Variants in PKHD1 observed in about 807,000 individuals in gnomAD.
The protein encoded by PKHD1 is PKHD1 ciliary IPT domain containing fibrocystin/polyductin, also known as fibrocystin.
Under a neutral mutation model 412.0 loss-of-function variants are expected in PKHD1, and 291 were observed. The observed-to-expected ratio is 0.71, with a 90% CI of 0.64 to 0.78. The LOEUF (loss-of-function observed/expected upper bound fraction) is 0.78, where lower values mean the gene tolerates loss of function less well. Among genes scored for constraint, PKHD1 ranks in the 30% least tolerant of loss-of-function variants. PKHD1 has a pLI of 0.00. For synonymous variants in PKHD1, 1,777 were observed against 1,821.5 expected (o/e 0.98, Z 0.62); for missense variants, 4,825 against 4,950.7 (o/e 0.97, Z 0.76).
intron 35 of PKHD1, among the ~76,000 whole-genome samples, chr6:51,997,033 A>G (rs1474175311): frequency 2.0e-5 from 3 of 152,230 alleles, no homozygotes; most frequent in Admixed American, 6.5e-5. Flanking sequence ...ATTTTGCCCA[A>G]TTAACTCAAG....
At chr6:51,934,654 GAA>G (rs11324724) in intron 36 of PKHD1, among the ~76,000 whole-genome samples, 12 of 149,908 alleles carry the variant, frequency 8.0e-5, no homozygotes, top group Admixed American at 2.7e-4. Flanking sequence ...ATAAAATTAA[GAA>G]AAAAAAAAAC....
intron 57 of PKHD1, among the ~76,000 whole-genome samples, chr6:51,750,168 T>C (rs1785852299): frequency 6.6e-6 from 1 of 152,258 alleles, no homozygotes; most frequent in Non-Finnish European, 1.5e-5. Flanking sequence ...ATACGTCTAC[T>C]TGGGGCCAGG....
rs1311992653 is a variant in PKHD1, at chr6:51,659,917, G to A, written c.10209C>T (p.Phe3403=). ...CCACTTGGTCAGTCTGTTTGCAGAT[G>A]AATCCTTGCATCAGAAATTGGTATG... ...KCTYQFLMQG[F]ICKQTDQVVL... is the part of the protein sequence containing the mutation. Residue 3403 remains phenylalanine, a synonymous_variant, in exon 61 of 67, where the codon TTC becomes TTT. Transcript: ENST00000371117. 2 of 1,612,280 alleles carry A rather than the reference G, an allele frequency of 1.2e-6. No homozygotes were observed. Among genetic ancestry groups the A allele is most frequent in the Non-Finnish European group, 8.5e-7 (1 of 1,178,582 alleles).
In PKHD1 at chr6:52,066,778, T is replaced by C. The variant is rs1045098456; in HGVS notation, c.779-701A>G. Among the ~76,000 whole-genome samples the C allele has an allele frequency of 2.6e-5, 4 of 152,114 alleles. No homozygotes were observed. In the South Asian group the frequency reaches 8.3e-4, roughly 32 times the overall value. On this transcript the variant is annotated intron_variant, in intron 11 of 66. Coordinates refer to ENST00000371117, the MANE Select transcript of PKHD1 (RefSeq NM_138694.4). ...AGCCGGGTTCCGTGGTGTGCACCTG[T>C]AATCCCAGCTGCTTGGGAGGCTGAG...
At chr6:51,638,806 A>C (rs773755286) in intron 64 of PKHD1, 43 bp downstream of exon 64, 3 of 1,262,628 alleles carry the variant, frequency 2.4e-6, no homozygotes, top group Non-Finnish European at 3.4e-6. Flanking sequence ...TCTCAAAAAA[A>C]AAAAAAAAAA....
At chr6:51,853,522 A>G (rs1452554630) in intron 49 of PKHD1, among the ~76,000 whole-genome samples, 1 of 152,176 alleles carries the variant, frequency 6.6e-6, no homozygotes, top group African/African-American at 2.4e-5. Context: ...TGTGTTTTCC[A>G]GCTTTTTTCC....
At chr6:51,630,835 T>C (rs561057814) in intron 65 of PKHD1, among the ~76,000 whole-genome samples, 1 of 152,208 alleles carries the variant, frequency 6.6e-6, no homozygotes, top group Non-Finnish European at 1.5e-5. Flanking sequence ...TTTCATAAAG[T>C]TCCTTGCAAT....
At chr6:51,869,355 C>T (rs1228682729) in intron 47 of PKHD1, among the ~76,000 whole-genome samples, 1 of 152,126 alleles carries the variant, frequency 6.6e-6, no homozygotes, top group Admixed American at 6.6e-5. Flanking sequence ...TCTTGCCTGA[C>T]CCCCTTCCTC....
At chr6:52,063,096 C>T (rs889228307) in intron 13 of PKHD1, among the ~76,000 whole-genome samples, 3 of 152,138 alleles carry the variant, frequency 2.0e-5, no homozygotes, top group Non-Finnish European at 4.4e-5. Flanking sequence ...CTTTTTTCCC[C>T]ATAACATTGG....
chr6:51,938,826 C>T (rs534408452), intron 36 of PKHD1, among the ~76,000 whole-genome samples: 7 of 151,720 alleles, frequency 4.6e-5, no homozygotes, highest in South Asian at 4.1e-4. Flanking sequence ...ATTTTAAATC[C>T]GGTAAGCAGC....
intron 6 of PKHD1, among the ~76,000 whole-genome samples, 163 bp downstream of exon 6, chr6:52,076,113 A>C (rs551330573): frequency 3.9e-5 from 6 of 152,310 alleles, no homozygotes; most frequent in African/African-American, 1.4e-4. Context: ...CAGAGGTAAA[A>C]CCAAAGCACG....
rs556309885 is a variant in PKHD1 at position 51,942,496 on chromosome 6, C to T, written c.5909-8174G>A. Among the ~76,000 whole-genome samples the T allele has an allele frequency of 9.5e-4, 144 of 151,726 alleles. 4 individuals carry two copies. Among genetic ancestry groups the T allele is most frequent in the Non-Finnish European group, 1.7e-3 (117 of 67,760 alleles). On this transcript the variant is annotated intron_variant, in intron 36 of 66. Transcript: ENST00000371117. The stretch of plus-strand genomic sequence containing the variant: ...GACACATATACTTTCTGCTCCCTGG[C>T]TCCTTCAGCTGTACTCACTTTTTGT...
intron 55 of PKHD1, among the ~76,000 whole-genome samples, chr6:51,771,610 CTG>C (rs1323854590): frequency 6.7e-6 from 1 of 148,378 alleles, no homozygotes; most frequent in Non-Finnish European, 1.5e-5. Flanking sequence ...TAGAGTGAGA[CTG>C]TGTCAAAAAA....
At chr6:51,906,078 T>G in intron 41 of PKHD1, 137 bp downstream of exon 41, 1 of 735,330 alleles carries the variant, frequency 1.4e-6, no homozygotes, top group Non-Finnish European at 2.4e-6. Flanking sequence ...ATTTAGAATG[T>G]TTTACTGTAG....
chr6:52,001,432 C>CT (rs781084036), intron 35 of PKHD1, among the ~76,000 whole-genome samples: 3,037 of 140,218 alleles, frequency 0.022, 52 homozygotes, highest in African/African-American at 0.041. Context: ...GAATTTCTTC[C>CT]TTTTTTTTTT....
chr6:51,692,564 T>C (rs1778303484), intron 60 of PKHD1, among the ~76,000 whole-genome samples: 1 of 152,192 alleles, frequency 6.6e-6, no homozygotes, highest in Admixed American at 6.6e-5. Flanking sequence ...GTATAGTTTC[T>C]ACACAAGTGA....
intron 23 of PKHD1, 84 bp from the exon 24 acceptor site, chr6:52,046,272 C>T: frequency 9.5e-7 from 1 of 1,052,050 alleles, no homozygotes; most frequent in Non-Finnish European, 1.5e-6. Flanking sequence ...TAACACGATA[C>T]ATACTAGGAT....
In PKHD1 at chr6:51,935,865, C is replaced by T. The variant is rs142771371; in HGVS notation, c.5909-1543G>A. ...ATATCTAAAATGTTATTGGAATTAT[C>T]GGAATGTTCTGATATTCCCATGGCT... On this transcript the variant is annotated intron_variant, in intron 36 of 66. Coordinates refer to ENST00000371117, the MANE Select transcript of PKHD1 (RefSeq NM_138694.4). 2.4e-3 allele frequency among the ~76,000 whole-genome samples: 371 copies of T among 152,252 alleles called. 1 individual carries two copies. The highest frequency in any genetic ancestry group is 8.6e-3 in the African/African-American group (359 of 41,544).
At chr6:51,706,188 T>TA (rs1779997285) in intron 60 of PKHD1, among the ~76,000 whole-genome samples, 1 of 152,150 alleles carries the variant, frequency 6.6e-6, no homozygotes, top group South Asian at 2.1e-4. Context: ...AGCTCATTGA[T>TA]ACCGTTGCCT....
Sources: gnomAD v4.1 joint callset for allele counts (sites outside exome capture counted in the v4.1 genomes callset) on GRCh38, gnomAD v4.1.1 for gene constraint, MANE v1.5 for transcripts, NCBI Gene and HGNC (gene_info 2026-07-23, HGNC 2026-07-21) for gene names.